Variants in MEGF11 observed in about 807,000 individuals in gnomAD.
MEGF11 encodes multiple EGF like domains 11, also known as multiple epidermal growth factor-like domains protein 11.
In MEGF11, 126 loss-of-function variants were observed where a neutral mutation model predicts 146.6. The observed-to-expected ratio is 0.86, with a 90% CI of 0.74 to 1.00. The LOEUF (loss-of-function observed/expected upper bound fraction) is 1.00, where lower values mean the gene tolerates loss of function less well. MEGF11 is among the 50% of genes least tolerant of loss of function. The pLI, the probability that MEGF11 is intolerant of heterozygous loss-of-function variation, is 0.00. For missense variants in MEGF11, 1,509 were observed against 1,521.2 expected, an observed-to-expected ratio of 0.99 and a Z score of 0.13; for synonymous variants, 532 against 583.4, an observed-to-expected ratio of 0.91 and a Z score of 1.27.
chr15:65,944,039 C>G (rs145027939), intron 10 of MEGF11, among the ~76,000 whole-genome samples: 1 of 152,134 alleles, frequency 6.6e-6, no homozygotes, highest in Admixed American at 6.5e-5. Context: ...AAGTAAAATG[C>G]GGTGCATTCA....
At chr15:66,226,987 G>A (rs919442785) in intron 1 of MEGF11, among the ~76,000 whole-genome samples, 2 of 152,120 alleles carry the variant, frequency 1.3e-5, no homozygotes, top group African/African-American at 4.8e-5. Flanking sequence ...TTCCTCCTTC[G>A]GAAAATCACA....
chr15:66,191,133 G>A (rs187770660), intron 1 of MEGF11, among the ~76,000 whole-genome samples: 1 of 152,104 alleles, frequency 6.6e-6, no homozygotes, highest in Non-Finnish European at 1.5e-5. Flanking sequence ...AAGGAACACA[G>A]TAGATTCACT....
intron 5 of MEGF11, among the ~76,000 whole-genome samples, chr15:66,061,640 C>CT (rs2084912104): frequency 8.4e-5 from 1 of 11,942 alleles, no homozygotes; most frequent in African/African-American, 1.4e-4. Context: ...TTTTTTTGAG[C>CT]CTTTTTTTTT....
chr15:66,113,753 C>T (rs1024508799), intron 4 of MEGF11, among the ~76,000 whole-genome samples: 8 of 152,052 alleles, frequency 5.3e-5, no homozygotes, highest in African/African-American at 1.4e-4. Flanking sequence ...CGGTGTCGGG[C>T]GCCTGTAGTC....
At position 65,970,705 on chromosome 15, in the gene MEGF11, G is replaced by A; in HGVS notation, c.763-16C>T. The A allele has an allele frequency of 6.2e-7, 1 of 1,603,766 alleles. No homozygotes were observed. The highest frequency in any genetic ancestry group is 8.5e-7 in the Non-Finnish European group (1 of 1,175,016). ...ACACTGCTCCCTAAAAGAAAGGTGG[G>A]AAGACATGCATGGCGGTGCTCCAGA... On this transcript the variant is annotated splice_polypyrimidine_tract_variant and intron_variant, in intron 7 of 25. Transcript: ENST00000395614.
intron 9 of MEGF11, among the ~76,000 whole-genome samples, chr15:65,963,646 G>A (rs57494645): frequency 0.013 from 1,994 of 152,264 alleles, 22 homozygotes; most frequent in East Asian, 0.049. Flanking sequence ...CCCTGTGGGC[G>A]CTCAGTGTTT....
At chr15:66,059,209 C>T (rs2084801455) in intron 5 of MEGF11, among the ~76,000 whole-genome samples, 1 of 152,166 alleles carries the variant, frequency 6.6e-6, no homozygotes, top group African/African-American at 2.4e-5. Context: ...CGGGGAGAAC[C>T]CAGCCCAGAG....
At chr15:65,965,941 T>A (rs2081079774) in intron 8 of MEGF11, among the ~76,000 whole-genome samples, 1 of 152,170 alleles carries the variant, frequency 6.6e-6, no homozygotes, top group African/African-American at 2.4e-5. Context: ...AATGTTTCCG[T>A]CTTCCCAAAC....
chr15:66,042,152 C>G (rs1245000160), intron 5 of MEGF11, among the ~76,000 whole-genome samples: 3 of 149,964 alleles, frequency 2.0e-5, no homozygotes, highest in Non-Finnish European at 4.4e-5. Flanking sequence ...ACTCCATCAC[C>G]CAGGCTGGAG....
intron 1 of MEGF11, among the ~76,000 whole-genome samples, chr15:66,195,164 T>G (rs1262054167): frequency 2.0e-5 from 3 of 152,228 alleles, no homozygotes; most frequent in Non-Finnish European, 4.4e-5. Context: ...TGTCTTAATC[T>G]CTTCTCATGA....
At position 66,169,241 on chromosome 15, in the gene MEGF11, G is replaced by A. The variant is rs149842375; in HGVS notation, c.-8-40830C>T. Among the ~76,000 whole-genome samples, 104 of 152,312 alleles carry A rather than the reference G, an allele frequency of 6.8e-4. 1 individual carries two copies. Among genetic ancestry groups the A allele is most frequent in the Middle Eastern group, 6.8e-3 (2 of 294 alleles). ...ATACACATTCGCTGAAGGATTAAAC[G>A]CCAGGCTGCCCAGTCTGATTTCAGA... On this transcript the variant is annotated intron_variant, in intron 1 of 25. Transcript: ENST00000395614.
intron 19 of MEGF11, 190 bp from the exon 20 acceptor site, chr15:65,914,163 T>C (rs2078914543): frequency 5.1e-6 from 3 of 590,964 alleles, no homozygotes; most frequent in Non-Finnish European, 9.1e-6. Flanking sequence ...GGATGGAGTC[T>C]CAGGGTCATG....
chr15:66,030,749 T>A (rs1018235580), intron 5 of MEGF11, among the ~76,000 whole-genome samples: 1 of 152,102 alleles, frequency 6.6e-6, no homozygotes, highest in Non-Finnish European at 1.5e-5. Context: ...GCCCCTGCAG[T>A]GTCAAGATCC....
chr15:65,913,717 G>A lies in MEGF11; in HGVS notation c.2710+20C>T. ...GTGTGTGGAGGGGAAGAGGAGGGAG[G>A]CCAGGAGCATGGCCCTTACCTGAGA... On this transcript the variant is annotated intron_variant, in intron 20 of 25. Transcript: ENST00000395614. 1.3e-6 allele frequency: 2 copies of A among 1,588,600 alleles called. No homozygotes were observed. The highest frequency in any genetic ancestry group is 1.7e-6 in the Non-Finnish European group (2 of 1,163,652).
intron 5 of MEGF11, among the ~76,000 whole-genome samples, chr15:65,985,465 T>C (rs1229636405): frequency 6.6e-6 from 1 of 151,954 alleles, no homozygotes; most frequent in Non-Finnish European, 1.5e-5. Context: ...TTGTTGGGGC[T>C]GCAGTTACTG....
At chr15:66,051,981 A>G (rs2084465656) in intron 5 of MEGF11, among the ~76,000 whole-genome samples, 1 of 152,084 alleles carries the variant, frequency 6.6e-6, no homozygotes, top group Non-Finnish European at 1.5e-5. Context: ...CATAACTCTT[A>G]TTTACTCCAT....
rs570386483 is a variant in MEGF11 at position 65,982,406 on chromosome 15, G to C, written c.477C>G (p.Gly159=). The part of the protein sequence containing the change: ...QNGALCNPIT[G]ACVCAAGFRG... ...GGAAGCCGGCGGCGCACACGCAGGC[G>C]CCTGTGATGGGGTTACACAGGGCGC... The change falls in exon 6 of 26, where the codon GGC becomes GGG. Residue 159 remains glycine (G), a synonymous_variant. Coordinates refer to ENST00000395614, the MANE Select transcript of MEGF11 (RefSeq NM_001385028.1). This position sits in a 1 kb window ranked among gnomAD's most constrained non-coding sequence, Gnocchi z 5.6. 1.6e-5 allele frequency: 24 copies of C among 1,534,248 alleles called. No homozygotes were observed. The Admixed American group carries it at 2.0e-4, about 13-fold the overall frequency.
chr15:65,974,683 G>A (rs540024278), intron 7 of MEGF11, among the ~76,000 whole-genome samples: 3 of 152,108 alleles, frequency 2.0e-5, no homozygotes, highest in African/African-American at 7.2e-5. Context: ...TCAGAGTAGG[G>A]GTCCTTCTTC....
chr15:66,203,580 G>A (rs960053834), intron 1 of MEGF11, among the ~76,000 whole-genome samples: 1 of 152,180 alleles, frequency 6.6e-6, no homozygotes, highest in Non-Finnish European at 1.5e-5. Flanking sequence ...GGAGAACTCT[G>A]ACCAGAGGTC....
Sources: gnomAD v4.1 joint callset for allele counts (sites outside exome capture counted in the v4.1 genomes callset) on GRCh38, gnomAD v4.1.1 for gene constraint, Gnocchi (gnomAD v3.1) non-coding constraint, MANE v1.5 for transcripts, NCBI Gene and HGNC (gene_info 2026-07-23, HGNC 2026-07-21) for gene names.